The following ERICH3 variants were observed in gnomAD, a reference collection of about 807,000 sequenced individuals.
ERICH3 encodes the protein glutamate rich 3.
Under a neutral mutation model 131.1 loss-of-function variants are expected in ERICH3, and 126 were observed. That is an observed-to-expected ratio of 0.96 (90% CI 0.83 to 1.11). The LOEUF is 1.11. Ranked by LOEUF, ERICH3 falls within the 50% of genes most tolerant of loss-of-function variation. ERICH3 has a pLI of 0.00. For synonymous variants in ERICH3, 695 were observed against 644.6 expected (o/e 1.08, Z -1.18); for missense variants, 2,050 against 1,810.7 (o/e 1.13, Z -2.40).
At chr1:74,633,349 T>C (rs2100625544) in intron 6 of ERICH3, among the ~76,000 whole-genome samples, 1 of 151,998 alleles carries the variant, frequency 6.6e-6, no homozygotes, top group African/African-American at 2.4e-5. Flanking sequence ...TTTTCTTTTC[T>C]TATATTTTCC....
intron 12 of ERICH3, among the ~76,000 whole-genome samples, chr1:74,584,003 T>G (rs1570819202): frequency 6.6e-6 from 1 of 152,204 alleles, no homozygotes; most frequent in Admixed American, 6.5e-5. Context: ...AAAAACACCA[T>G]AAAGATATGC....
intron 8 of ERICH3, among the ~76,000 whole-genome samples, chr1:74,620,439 G>A (rs767735379): frequency 6.6e-6 from 1 of 152,038 alleles, no homozygotes; most frequent in Non-Finnish European, 1.5e-5. Context: ...TTGGAATTTC[G>A]GGGACAGCTT....
chr1:74,611,474 TAA>T (rs914426835), intron 9 of ERICH3, among the ~76,000 whole-genome samples: 7 of 152,132 alleles, frequency 4.6e-5, no homozygotes, highest in African/African-American at 1.4e-4. Context: ...ATTTTTCCCA[TAA>T]GAGTTACTAT....
intron 5 of ERICH3, among the ~76,000 whole-genome samples, chr1:74,637,844 G>A (rs1447477505): frequency 4.6e-5 from 7 of 151,908 alleles, no homozygotes; most frequent in Admixed American, 2.0e-4. Context: ...CAGGCAGGTC[G>A]AGTCTGCAGT....
chr1:74,671,417 A>G (rs116518672), intron 1 of ERICH3, among the ~76,000 whole-genome samples: 2,626 of 152,176 alleles, frequency 0.017, 69 homozygotes, highest in African/African-American at 0.06. Context: ...CCCTTTTGAA[A>G]CCCTTAATAA....
At chr1:74,669,743 A>G (rs915319343) in intron 1 of ERICH3, among the ~76,000 whole-genome samples, 10 of 152,238 alleles carry the variant, frequency 6.6e-5, no homozygotes, top group African/African-American at 2.4e-4. Flanking sequence ...ATCTGAACAA[A>G]GCCGGCACAG....
At chr1:74,643,131 C>A in intron 3 of ERICH3, 33 bp from the exon 4 acceptor site, 2 of 1,544,026 alleles carry the variant, frequency 1.3e-6, no homozygotes, top group East Asian at 2.3e-5. Context: ...AGGAGAGAAT[C>A]ATATCAGTTA....
At chr1:74,655,328 C>T (rs1454386483) in intron 1 of ERICH3, among the ~76,000 whole-genome samples, 1 of 152,136 alleles carries the variant, frequency 6.6e-6, no homozygotes, top group Admixed American at 6.5e-5. Flanking sequence ...AATCTATTCT[C>T]TTACAGCTCT....
intron 11 of ERICH3, among the ~76,000 whole-genome samples, chr1:74,593,626 T>C (rs973312758): frequency 6.6e-6 from 1 of 152,172 alleles, no homozygotes; most frequent in African/African-American, 2.4e-5. Context: ...CTTGTGATAT[T>C]GAGTGATATC....
At chr1:74,646,451 T>A (rs1405037525) in intron 3 of ERICH3, among the ~76,000 whole-genome samples, 2 of 152,240 alleles carry the variant, frequency 1.3e-5, no homozygotes, top group Non-Finnish European at 2.9e-5. Flanking sequence ...GACTTCTGGC[T>A]CCTGGCTACC....
rs759558131 is a variant in ERICH3, at chr1:74,571,286, C to G, written c.4424G>C (p.Arg1475Pro). The G allele has an allele frequency of 1.8e-5, 29 of 1,613,936 alleles. No individual in the cohort carries two copies. The African/African-American group carries it at 2.4e-4, about 13-fold the overall frequency. ...RQETGAAEKF[R>P]LGLSREGERE... ...CTCTCCCTCCCGTGATAATCCTAAT[C>G]GGAATTTTTCAGCTGCTCCTGTCTC... Residue 1475 changes from arginine to proline, a missense_variant, in exon 14 of 15, where the codon CGA (arginine) becomes CCA (proline). By Grantham distance (103) the Arg-to-Pro change is moderately radical (BLOSUM62 -2). Coordinates refer to ENST00000326665, the MANE Select transcript of ERICH3 (RefSeq NM_001002912.5).
At chr1:74,606,184 T>C (rs1334486385) in intron 10 of ERICH3, among the ~76,000 whole-genome samples, 3 of 151,920 alleles carry the variant, frequency 2.0e-5, no homozygotes, top group Non-Finnish European at 4.4e-5. Context: ...CCTTTAGTTA[T>C]GGCATACTCT....
At chr1:74,585,170 C>G (rs1647272808) in intron 12 of ERICH3, among the ~76,000 whole-genome samples, 1 of 152,130 alleles carries the variant, frequency 6.6e-6, no homozygotes, top group African/African-American at 2.4e-5. Context: ...AGTTATTCCA[C>G]TATTAGAACA....
At chr1:74,596,468 C>T (rs1188375400) in intron 11 of ERICH3, among the ~76,000 whole-genome samples, 1 of 151,996 alleles carries the variant, frequency 6.6e-6, no homozygotes, top group Non-Finnish European at 1.5e-5. Flanking sequence ...TTCATCATTT[C>T]TTTGTGGCGA....
At chr1:74,603,958 A>G (rs901344353) in intron 10 of ERICH3, among the ~76,000 whole-genome samples, 5 of 151,860 alleles carry the variant, frequency 3.3e-5, no homozygotes, top group East Asian at 1.9e-4. Context: ...TGCCACATCT[A>G]TTGACTCTTC....
rs1312360793 is a variant in ERICH3 at position 74,591,735 on chromosome 1, G to C, written c.1727-1655C>G. ...TGAATCTCAATAAGGAAGCTGGACA[G>C]CATAAAAAATCACTGCATACATTGC... On this transcript the variant is annotated intron_variant, in intron 11 of 14. Transcript: ENST00000326665. Among the ~76,000 whole-genome samples the C allele has an allele frequency of 3.3e-5, 5 of 152,068 alleles. No homozygotes were observed. In the East Asian group the frequency reaches 9.6e-4, roughly 29 times the overall value.
At chr1:74,614,534 G>A (rs1240261772) in intron 8 of ERICH3, among the ~76,000 whole-genome samples, 3 of 151,404 alleles carry the variant, frequency 2.0e-5, no homozygotes, top group East Asian at 1.9e-4. Flanking sequence ...AAAATTAGCC[G>A]GGCGTGGTAG....
intron 9 of ERICH3, among the ~76,000 whole-genome samples, 190 bp from the exon 10 acceptor site, chr1:74,607,092 T>C (rs545383867): frequency 7.2e-5 from 11 of 152,134 alleles, no homozygotes; most frequent in African/African-American, 2.4e-4. Flanking sequence ...TTTTTGATAC[T>C]AAAATCTTGT....
rs59687548 is a variant in ERICH3 at position 74,573,993 on chromosome 1, C to CT, written c.2219-503dup. Among the ~76,000 whole-genome samples, 1,032 of 135,782 alleles carry CT rather than the reference C, an allele frequency of 7.6e-3. 8 individuals carry two copies. The highest frequency in any genetic ancestry group is 0.016 in the African/African-American group (598 of 37,348). The allele number at this position is 135,782 out of a possible 152,430, so 89.1% of individuals were successfully genotyped here. ...TTATTTTATTTGTCTCTTTTTCTCT[C>CT]TTTTTTTTTTTTTTTCAGGCAGGGT... is the stretch of plus-strand genomic sequence containing the variant. On this transcript the variant is annotated intron_variant, in intron 13 of 14. Coordinates refer to ENST00000326665, the MANE Select transcript of ERICH3 (RefSeq NM_001002912.5).
Sources: gnomAD v4.1 joint callset for allele counts (sites outside exome capture counted in the v4.1 genomes callset) on GRCh38, gnomAD v4.1.1 for gene constraint, MANE v1.5 for transcripts, NCBI Gene and HGNC (gene_info 2026-07-23, HGNC 2026-07-21) for gene names.